The following SETDB1 variants were observed in gnomAD, a reference collection of about 807,000 sequenced individuals.
The protein encoded by SETDB1 is histone-lysine N-methyltransferase SETDB1.
In SETDB1, 31 loss-of-function variants were observed where a neutral mutation model predicts 137.4. The observed-to-expected ratio is 0.23, with a 90% CI of 0.17 to 0.30. The LOEUF (loss-of-function observed/expected upper bound fraction) is 0.30. Ranked by LOEUF, SETDB1 falls within the 10% of genes least tolerant of loss-of-function variation. The pLI is 1.00. For synonymous variants in SETDB1, 548 were observed against 579.9 expected, an observed-to-expected ratio of 0.95 and a Z score of 0.79; for missense variants, 1,113 against 1,631.5, an observed-to-expected ratio of 0.68 and a Z score of 5.47.
intron 3 of SETDB1, among the ~76,000 whole-genome samples, chr1:150,934,454 CAG>C (rs1285373544): frequency 6.6e-6 from 1 of 152,116 alleles, no homozygotes; most frequent in Non-Finnish European, 1.5e-5. Flanking sequence ...GCCTGGGCGA[CAG>C]AGCGAGACTC....
intron 4 of SETDB1, 46 bp downstream of exon 4, chr1:150,940,020 A>G (rs769710138): frequency 1.3e-6 from 2 of 1,521,252 alleles, no homozygotes; most frequent in Middle Eastern, 1.7e-4. Context: ...GAATATGAAA[A>G]TAGGAGAATT....
intron 7 of SETDB1, 112 bp from the exon 8 acceptor site, chr1:150,943,802 TCCCTGG>T: frequency 3.0e-6 from 2 of 662,730 alleles, no homozygotes; most frequent in Non-Finnish European, 5.4e-6. Flanking sequence ...TGGATTGTCT[TCCCTGG>T]AGTGCATCGT....
At position 150,930,059 on chromosome 1, in the gene SETDB1, G is replaced by A. The variant is rs745525390; in HGVS notation, c.353G>A (p.Arg118Gln). The change falls in exon 3 of 22, where the codon CGG becomes CAG. Residue 118 changes from arginine to glutamine, a missense_variant. By Grantham distance (43) the Arg-to-Gln change is conservative (BLOSUM62 1). Transcript: ENST00000692827. ...AGTAGCTCTGAGGACGAATCTTCCC[G>A]GCCTACAGAAATAATTGAGATTCCT... ...RDSSSEDESS[R>Q]PTEIIEIPDE... 88 of 1,613,778 alleles carry A rather than the reference G, an allele frequency of 5.5e-5. No individual in the cohort carries two copies. The highest frequency in any genetic ancestry group is 6.8e-5 in the Non-Finnish European group (80 of 1,179,890).
intron 3 of SETDB1, among the ~76,000 whole-genome samples, chr1:150,935,737 G>C (rs1669925623): frequency 6.6e-6 from 1 of 152,042 alleles, no homozygotes; most frequent in Admixed American, 6.6e-5. Flanking sequence ...AGATTCTCTT[G>C]TTGATTAAGT....
At chr1:150,944,085 G>C (rs1000782765) in intron 8 of SETDB1, 92 bp downstream of exon 8, 5 of 909,462 alleles carry the variant, frequency 5.5e-6, no homozygotes, top group Non-Finnish European at 7.3e-6. Flanking sequence ...TAGTGTTTTT[G>C]GTATTTCAGT....
At chr1:150,939,998 G>T (rs780502480) in intron 4 of SETDB1, 24 bp downstream of exon 4, 2 of 1,597,584 alleles carry the variant, frequency 1.3e-6, no homozygotes, top group Non-Finnish European at 1.7e-6. Context: ...GTAAGGGAAG[G>T]GTGAGAGATA....
chr1:150,963,278 C>G, intron 19 of SETDB1, 139 bp downstream of exon 19: 1 of 804,460 alleles, frequency 1.2e-6, no homozygotes, highest in South Asian at 1.8e-5. Flanking sequence ...GGCTTTCTGA[C>G]TCCAAGCTAA....
intron 7 of SETDB1, 35 bp from the exon 8 acceptor site, chr1:150,943,885 C>T (rs1049080813): frequency 4.6e-6 from 6 of 1,294,958 alleles, no homozygotes; most frequent in Middle Eastern, 1.8e-4. Context: ...ATATCATAAC[C>T]CCCAGATCTT....
At chr1:150,932,525 C>T (rs891884512) in intron 3 of SETDB1, among the ~76,000 whole-genome samples, 5 of 151,974 alleles carry the variant, frequency 3.3e-5, no homozygotes, top group African/African-American at 9.7e-5. Flanking sequence ...TAATAGAGTT[C>T]CTATATATCC....
chr1:150,953,955 C>T (rs587670238), intron 14 of SETDB1, among the ~76,000 whole-genome samples: 5 of 151,836 alleles, frequency 3.3e-5, no homozygotes, highest in African/African-American at 9.7e-5. Flanking sequence ...TCCGGGTTCA[C>T]GCCATTCTCC....
chr1:150,959,584 T>A (rs1447339430), intron 15 of SETDB1, among the ~76,000 whole-genome samples: 1 of 152,150 alleles, frequency 6.6e-6, no homozygotes. Context: ...ATGGTGATAT[T>A]TCAGAGAACA....
rs587758369 is a variant in SETDB1, at chr1:150,960,512, A to C, written c.2504-51A>C. On this transcript the variant is annotated intron_variant, in intron 15 of 21. Transcript: ENST00000692827. ...AAAAAAAAAGCAAACAAAAAAAAAA[A>C]CTAATAGGTCCCCATAACCCTAGAA... 6.9e-5 allele frequency: 102 copies of C among 1,483,532 alleles called. No homozygotes were observed. The East Asian group carries it at 1.5e-3, about 21-fold the overall frequency. The allele number at this position is 1,483,532 out of a possible 1,614,324, so 91.9% of individuals were successfully genotyped here. A position where few individuals can be genotyped will look rare whatever the true frequency, so the allele number is the denominator to read the frequency against.
chr1:150,950,234 A>G (rs938911939), intron 12 of SETDB1, among the ~76,000 whole-genome samples: 1 of 147,160 alleles, frequency 6.8e-6, no homozygotes, highest in African/African-American at 2.5e-5. Flanking sequence ...AACTTGTCTC[A>G]AAAAAAAAAA....
intron 2 of SETDB1, among the ~76,000 whole-genome samples, chr1:150,928,420 G>C (rs1669609810): frequency 6.6e-6 from 1 of 152,162 alleles, no homozygotes; most frequent in Admixed American, 6.6e-5. Flanking sequence ...CAGTAAGGGA[G>C]TCCAAGTCTT....
intron 7 of SETDB1, 51 bp downstream of exon 7, chr1:150,943,104 G>A: frequency 2.2e-6 from 3 of 1,343,396 alleles, no homozygotes; most frequent in South Asian, 1.2e-5. Flanking sequence ...CACAGCACCT[G>A]CCCTGTTCGT....
chr1:150,940,680 C>T (rs2102684403), intron 4 of SETDB1, among the ~76,000 whole-genome samples: 1 of 151,612 alleles, frequency 6.6e-6, no homozygotes, highest in Non-Finnish European at 1.5e-5. Context: ...GCAGCCTAAC[C>T]ATGGAGAAAC....
At chr1:150,959,046 C>T (rs1393137002) in intron 14 of SETDB1, 132 bp from the exon 15 acceptor site, 2 of 634,860 alleles carry the variant, frequency 3.2e-6, no homozygotes, top group Non-Finnish European at 5.0e-6. Context: ...TCACTTAGAT[C>T]ATTACCTAAT....
At chr1:150,931,775 G>C (rs1279913765) in intron 3 of SETDB1, among the ~76,000 whole-genome samples, 1 of 137,750 alleles carries the variant, frequency 7.3e-6, no homozygotes, top group Non-Finnish European at 1.5e-5. Flanking sequence ...TCCTGATGTT[G>C]ATATGAAAGC....
intron 3 of SETDB1, among the ~76,000 whole-genome samples, chr1:150,933,098 T>C (rs754704217): frequency 1.6e-4 from 24 of 152,060 alleles, no homozygotes; most frequent in Non-Finnish European, 2.8e-4. Context: ...CTCACTCTGT[T>C]CCCCAGGCTG....
Sources: allele counts gnomAD v4.1 joint callset (sites outside exome capture counted in the v4.1 genomes callset), GRCh38; gene constraint gnomAD v4.1.1; transcripts MANE v1.5; gene names NCBI Gene and HGNC (gene_info 2026-07-23, HGNC 2026-07-21).